Variants in ANOS1 observed in about 807,000 individuals in gnomAD.
The protein encoded by ANOS1 is anosmin-1.
In ANOS1, 6 loss-of-function variants were observed where a neutral mutation model predicts 59.0. The ratio of observed to expected loss-of-function variants is 0.10; its 90% CI spans 0.06 to 0.20. The LOEUF (loss-of-function observed/expected upper bound fraction) is 0.20, where lower values mean the gene tolerates loss of function less well. ANOS1 is among the 10% of genes least tolerant of loss of function. The pLI is 1.00. For synonymous variants in ANOS1, 217 were observed against 223.4 expected (o/e 0.97, Z 0.25); for missense variants, 433 against 542.3 (o/e 0.80, Z 2.00).
intron 2 of ANOS1, among the ~76,000 whole-genome samples, chrX:8,646,122 G>C (rs1369142173): frequency 8.9e-6 from 1 of 112,094 alleles, no homozygotes; most frequent in East Asian, 2.8e-4. Context: ...TAATAATAAA[G>C]AGCGAAAGGA....
At chrX:8,729,492 G>T (rs1218258514) in intron 1 of ANOS1, among the ~76,000 whole-genome samples, 1 of 94,130 alleles carries the variant, frequency 1.1e-5, no homozygotes, top group African/African-American at 4.0e-5. Context: ...GCTGCCTCCC[G>T]GGTTCAAGGA....
At chrX:8,664,251 C>T (rs915179808) in intron 2 of ANOS1, among the ~76,000 whole-genome samples, 19 of 111,930 alleles carry the variant, frequency 1.7e-4, no homozygotes, top group South Asian at 3.8e-4. Context: ...AGTGCAGTGG[C>T]GCGATCTTGG....
intron 6 of ANOS1, among the ~76,000 whole-genome samples, chrX:8,582,175 G>C (rs904284541): frequency 8.9e-6 from 1 of 112,559 alleles, no homozygotes; most frequent in South Asian, 3.6e-4. Context: ...AAAATACTAA[G>C]GCAGGGTAGA....
rs762967130 is a variant in ANOS1, at chrX:8,535,172, C to T, written c.1842+419G>A. 5.3e-5 allele frequency: 7 copies of T among 130,974 alleles called. No homozygotes were observed. In the South Asian group the frequency reaches 1.5e-3, roughly 28 times the overall value. The allele number at this position is 130,974 out of a possible 1,213,427, so 10.8% of individuals were successfully genotyped here. On this transcript the variant is annotated intron_variant, in intron 12 of 13. Transcript: ENST00000262648. The stretch of plus-strand genomic sequence containing the variant: ...AAGACAGGCCAACTCATTACAGCCT[C>T]GAGCCAAATTTGAAGTTGCGGGGAA...
intron 10 of ANOS1, among the ~76,000 whole-genome samples, chrX:8,539,157 A>G (rs1359439079): frequency 1.8e-5 from 2 of 109,700 alleles, no homozygotes; most frequent in African/African-American, 6.6e-5. Flanking sequence ...CAGAGAGTTT[A>G]ATGTTCTCTT....
At chrX:8,602,667 C>T (rs1930864862) in intron 3 of ANOS1, among the ~76,000 whole-genome samples, 1 of 111,240 alleles carries the variant, frequency 9.0e-6, no homozygotes, top group Admixed American at 9.6e-5. Flanking sequence ...TTTATAACTA[C>T]AATTCATTTT....
chrX:8,544,986 A>G (rs143234937), intron 9 of ANOS1, among the ~76,000 whole-genome samples: 2,135 of 104,203 alleles, frequency 0.02, 179 homozygotes, highest in Admixed American at 0.18. Context: ...GAATCACTCA[A>G]ACCCGGAAGG....
At chrX:8,716,445 C>G (rs763996202) in intron 1 of ANOS1, among the ~76,000 whole-genome samples, 54 of 112,369 alleles carry the variant, frequency 4.8e-4, no homozygotes, top group African/African-American at 1.5e-3. Flanking sequence ...CAAACCTTCT[C>G]CTCTGACTGT....
intron 1 of ANOS1, among the ~76,000 whole-genome samples, chrX:8,730,907 C>T (rs934206423): frequency 1.8e-5 from 2 of 112,697 alleles, no homozygotes; most frequent in Non-Finnish European, 3.8e-5. Context: ...CTCTCGTGCG[C>T]CCACCCGCAC....
chrX:8,661,867 A>C (rs1932044885), intron 2 of ANOS1, among the ~76,000 whole-genome samples: 1 of 111,101 alleles, frequency 9.0e-6, no homozygotes, highest in Admixed American at 9.6e-5. Flanking sequence ...ACAATAACAT[A>C]CTGTAAGGGA....
At chrX:8,611,159 A>G (rs2146836985) in intron 3 of ANOS1, among the ~76,000 whole-genome samples, 1 of 111,260 alleles carries the variant, frequency 9.0e-6, no homozygotes, top group African/African-American at 3.3e-5. Flanking sequence ...CAGAAGTAAA[A>G]AGGAAGAAAT....
intron 8 of ANOS1, 101 bp from the exon 9 acceptor site, chrX:8,554,199 G>A (rs1163798255): frequency 1.1e-5 from 7 of 638,105 alleles, no homozygotes; most frequent in South Asian, 2.4e-5. Context: ...AGCTTCCAGC[G>A]AGAACAACAC....
intron 8 of ANOS1, among the ~76,000 whole-genome samples, chrX:8,559,828 T>C (rs1930005662): frequency 9.0e-6 from 1 of 111,507 alleles, no homozygotes; most frequent in South Asian, 3.8e-4. Context: ...CCTGTATTTT[T>C]TCAGTTTTAA....
chrX:8,700,612 C>T (rs1932747823), intron 1 of ANOS1, among the ~76,000 whole-genome samples: 1 of 112,296 alleles, frequency 8.9e-6, no homozygotes, highest in African/African-American at 3.2e-5. Flanking sequence ...CTTAACATCC[C>T]CATGCCTCAG....
Position 8,616,049 on chromosome X carries a change from T to C in ANOS1, c.318+7559A>G, listed in dbSNP as rs1228845384. Among the ~76,000 whole-genome samples, 4 of 111,089 alleles carry C rather than the reference T, an allele frequency of 3.6e-5. No homozygotes were observed. The Admixed American group carries it at 3.9e-4, about 11-fold the overall frequency. ...CTCATTTGCGCCCCTGATCACTTTT[T>C]TTTTTTACAGTAATGCTCACTGAAA... On this transcript the variant is annotated intron_variant, in intron 3 of 13. Coordinates refer to ENST00000262648, the MANE Select transcript of ANOS1 (RefSeq NM_000216.4).
At position 8,531,035 on chromosome X, in the gene ANOS1, T is replaced by G. The variant is rs1929490233; in HGVS notation, c.*1960A>C. ...CAAAAATTCTTAGAACCAGGTAATT[T>G]CATAACTCAATGTGATAAATCCATC... On this transcript the variant is annotated 3_prime_UTR_variant, in exon 14 of 14. Transcript: ENST00000262648. The G allele has an allele frequency of 1.1e-5, 1 of 90,580 alleles. No homozygotes were observed. The highest frequency in any genetic ancestry group is 4.1e-5 in the African/African-American group (1 of 24,383). The allele number at this position is 90,580 out of a possible 1,213,427, so 7.5% of individuals were successfully genotyped here. A position where few individuals can be genotyped will look rare whatever the true frequency, so the allele number is the denominator to read the frequency against.
intron 2 of ANOS1, among the ~76,000 whole-genome samples, chrX:8,685,535 AGAG>A (rs1341638801): frequency 9.6e-6 from 1 of 103,860 alleles, no homozygotes; most frequent in Non-Finnish European, 2.0e-5. Context: ...AGAGAGAAAG[AGAG>A]GAGAAGGGGA....
chrX:8,716,643 G>C (rs1379798100), intron 1 of ANOS1, among the ~76,000 whole-genome samples: 1 of 111,869 alleles, frequency 8.9e-6, no homozygotes, highest in African/African-American at 3.3e-5. Context: ...CCATCTCTGA[G>C]CTAGTGACAC....
intron 2 of ANOS1, among the ~76,000 whole-genome samples, chrX:8,679,776 C>T (rs754759352): frequency 1.3e-4 from 15 of 111,345 alleles, no homozygotes; most frequent in African/African-American, 3.9e-4. Flanking sequence ...ATAGCTCTCA[C>T]GCTGGGCGCG....
Sources: allele counts gnomAD v4.1 joint callset (sites outside exome capture counted in the v4.1 genomes callset), GRCh38; gene constraint gnomAD v4.1.1; transcripts MANE v1.5; gene names NCBI Gene and HGNC (gene_info 2026-07-23, HGNC 2026-07-21).